Variants in PDGFRL observed in about 807,000 individuals in gnomAD.
PDGFRL encodes the protein platelet derived growth factor receptor like.
Under a neutral mutation model 37.2 loss-of-function variants are expected in PDGFRL, and 46 were observed. The observed-to-expected ratio is 1.24, with a 90% CI of 0.98 to 1.58. The LOEUF (loss-of-function observed/expected upper bound fraction) is 1.58. PDGFRL is among the 40% of genes most tolerant of loss of function. The probability of loss-of-function intolerance (pLI) is 0.00; values close to 1 mark genes in which losing one functional copy is unlikely to be tolerated. For synonymous variants in PDGFRL, 251 were observed against 184.3 expected, an observed-to-expected ratio of 1.36 and a Z score of -2.93; for missense variants, 692 against 467.6, an observed-to-expected ratio of 1.48 and a Z score of -4.43.
chr8:17,597,732 T>A (rs1804084696), intron 2 of PDGFRL, among the ~76,000 whole-genome samples: 1 of 152,088 alleles, frequency 6.6e-6, no homozygotes, highest in Non-Finnish European at 1.5e-5. Context: ...CAGAAATCCA[T>A]CTCTTCTTAC....
At chr8:17,601,049 G>T (rs759240375) in intron 2 of PDGFRL, among the ~76,000 whole-genome samples, 7 of 152,164 alleles carry the variant, frequency 4.6e-5, no homozygotes, top group African/African-American at 1.7e-4. Flanking sequence ...GTGTCCTTCA[G>T]TTCAGAGAAT....
intron 2 of PDGFRL, among the ~76,000 whole-genome samples, chr8:17,620,534 A>T (rs1192674550): frequency 2.0e-5 from 3 of 152,166 alleles, no homozygotes; most frequent in Non-Finnish European, 4.4e-5. Context: ...ACCAATATTT[A>T]TACATCATTA....
At chr8:17,604,137 G>A (rs1251149482) in intron 2 of PDGFRL, among the ~76,000 whole-genome samples, 1 of 152,090 alleles carries the variant, frequency 6.6e-6, no homozygotes, top group African/African-American at 2.4e-5. Context: ...ACTGTTGGTG[G>A]GACTGTAAAC....
At chr8:17,610,626 A>T (rs981655267) in intron 2 of PDGFRL, among the ~76,000 whole-genome samples, 7 of 152,090 alleles carry the variant, frequency 4.6e-5, no homozygotes, top group African/African-American at 1.7e-4. Flanking sequence ...TTTACATGAG[A>T]AGGGCCAGGC....
chr8:17,621,327 C>T (rs1804629536), intron 3 of PDGFRL, 125 bp downstream of exon 3: 1 of 583,420 alleles, frequency 1.7e-6, no homozygotes, highest in Non-Finnish European at 3.0e-6. Context: ...TTGCCAGGCT[C>T]TGGGCTAAAT....
rs1234160258 is a variant in PDGFRL, at chr8:17,630,671, T to TAGGGGAAGTAAGTGAGAGAGGTC, written c.799+1894_799+1916dup. 2.0e-5 allele frequency among the ~76,000 whole-genome samples: 3 copies of TAGGGGAAGTAAGTGAGAGAGGTC among 152,202 alleles called. No individual in the cohort carries two copies. The East Asian group carries it at 5.8e-4, about 30-fold the overall frequency. On this transcript the variant is annotated intron_variant, in intron 4 of 5. Coordinates refer to ENST00000251630, the MANE Select transcript of PDGFRL (RefSeq NM_001372073.1). ...TCCCCTCCCTGCTGGGGCACCAGGT[T>TAGGGGAAGTAAGTGAGAGAGGTC]AGGGGAAGTAAGTGAGAGAGGTCAG...
At chr8:17,641,203 A>G (rs11203879) in intron 5 of PDGFRL, among the ~76,000 whole-genome samples, 2 of 152,074 alleles carry the variant, frequency 1.3e-5, no homozygotes, top group African/African-American at 4.8e-5. Flanking sequence ...AGCCTCTTGG[A>G]TAAGAAAGCA....
Position 17,589,675 on chromosome 8 carries a change from C to T in PDGFRL, c.263C>T (p.Ala88Val), listed in dbSNP as rs111243093. 6.6e-5 allele frequency: 106 copies of T among 1,612,802 alleles called. No homozygotes were observed. Among genetic ancestry groups the T allele is most frequent in the East Asian group, 8.9e-5 (4 of 44,854 alleles). ...QKPAATLSLLAGQTVELRCKG... is the reference protein window; with the variant it reads ...QKPAATLSLLVGQTVELRCKG... ...CCCGCCGCTACCCTGAGTCTGCTGG[C>T]GGGGCAAACTGTAGAGCTTCGATGT... Residue 88 changes from alanine (A) to valine (V), a missense_variant, in exon 2 of 6, where the codon GCG (alanine) becomes GTG (valine). Ala to Val is a moderately conservative substitution (Grantham distance 64, BLOSUM62 0). Coordinates refer to ENST00000251630, the MANE Select transcript of PDGFRL (RefSeq NM_001372073.1).
Position 17,589,668 on chromosome 8 carries a change from C to G in PDGFRL, c.256C>G (p.Leu86Val). ...CCAGAAACCCGCCGCTACCCTGAGT[C>G]TGCTGGCGGGGCAAACTGTAGAGCT... is the stretch of plus-strand genomic sequence containing the variant. ...RFQKPAATLS[L>V]LAGQTVELRC... Residue 86 changes from leucine to valine, a missense_variant, in exon 2 of 6, where the codon CTG (leucine) becomes GTG (valine). Physicochemically the swap from Leu to Val is conservative, Grantham distance 32 (BLOSUM62 1). Transcript: ENST00000251630. 6.2e-7 allele frequency: 1 copy of G among 1,613,160 alleles called. No homozygotes were observed. Among genetic ancestry groups the G allele is most frequent in the Non-Finnish European group, 8.5e-7 (1 of 1,179,116 alleles).
chr8:17,625,452 GT>G lies in PDGFRL; in HGVS notation c.506-3024del, dbSNP rs11446187. On this transcript the variant is annotated intron_variant, in intron 3 of 5. Coordinates refer to ENST00000251630, the MANE Select transcript of PDGFRL (RefSeq NM_001372073.1). Reference sequence around the variant, plus strand: ...GGCGTGAGCCACTGCACCTGGTCGAGTTTTTTTTTTTAATCTAAAATCCCAT... The same window carrying G: ...GGCGTGAGCCACTGCACCTGGTCGAGTTTTTTTTTTAATCTAAAATCCCAT... Among the ~76,000 whole-genome samples the G allele has an allele frequency of 2.3e-3, 334 of 148,290 alleles. 2 individuals are homozygous for G. The highest frequency in any genetic ancestry group is 8.0e-3 in the African/African-American group (324 of 40,692).
At chr8:17,579,769 A>C (rs1181707474) in intron 1 of PDGFRL, among the ~76,000 whole-genome samples, 1 of 151,916 alleles carries the variant, frequency 6.6e-6, no homozygotes, top group Admixed American at 6.6e-5. Context: ...GGCTGCTCCC[A>C]ATGACAAAAT....
intron 2 of PDGFRL, among the ~76,000 whole-genome samples, chr8:17,595,965 T>TG (rs1281268524): frequency 6.6e-6 from 1 of 152,192 alleles, no homozygotes; most frequent in African/African-American, 2.4e-5. Context: ...GAGCCTCCAG[T>TG]GGGTGAAACC....
rs67846013 is a variant in PDGFRL, at chr8:17,623,873, C to CAAAAAA, written c.505+2678_505+2683dup. On this transcript the variant is annotated intron_variant, in intron 3 of 5. Coordinates refer to ENST00000251630, the MANE Select transcript of PDGFRL (RefSeq NM_001372073.1). ...TGGGCGACAGAGCAAGACTTTACCT[C>CAAAAAA]AAAAAAAAAAAATACGGGCTCTCTT... 9.6e-3 allele frequency among the ~76,000 whole-genome samples: 1,368 copies of CAAAAAA among 141,962 alleles called. 14 individuals carry two copies. The highest frequency in any genetic ancestry group is 0.014 in the Non-Finnish European group (922 of 66,310). 93.1% of individuals were successfully genotyped at this position (141,962 alleles called of 152,430 possible).
chr8:17,596,488 G>T, intron 2 of PDGFRL: 1 of 385,688 alleles, frequency 2.6e-6, no homozygotes, highest in Non-Finnish European at 4.5e-6. Context: ...TTTAGTCTTT[G>T]ACTTCCTACA....
chr8:17,595,004 C>T (rs1220753150), intron 2 of PDGFRL, among the ~76,000 whole-genome samples: 1 of 34,290 alleles, frequency 2.9e-5, no homozygotes. Flanking sequence ...TTACCACGTA[C>T]ATTTTTTTTT....
intron 2 of PDGFRL, among the ~76,000 whole-genome samples, chr8:17,590,179 C>G (rs141609363): frequency 1.5e-5 from 2 of 133,730 alleles, no homozygotes; most frequent in Non-Finnish European, 3.1e-5. Flanking sequence ...TGCATTGAGC[C>G]GAGATAGTGC....
chr8:17,606,704 G>T (rs2129688301), intron 2 of PDGFRL, among the ~76,000 whole-genome samples: 1 of 18,306 alleles, frequency 5.5e-5, no homozygotes, highest in Non-Finnish European at 7.3e-4. Flanking sequence ...TTCAGGACAA[G>T]GGTGGGGGGC....
chr8:17,628,913 G>C lies in PDGFRL; in HGVS notation c.799+133G>C, dbSNP rs962147552. The C allele has an allele frequency of 3.5e-5, 22 of 625,328 alleles. No homozygotes were observed. The African/African-American group carries it at 3.5e-4, about 10-fold the overall frequency. The allele number at this position is 625,328 out of a possible 1,614,324, so 38.7% of individuals were successfully genotyped here. A position where few individuals can be genotyped will look rare whatever the true frequency, so the allele number is the denominator to read the frequency against. ...GTTTCATTGTTGTTGGGTTGTTGTT[G>C]TTTTTTTTTCTCTTTTTTCTTGAGA... On this transcript the variant is annotated intron_variant, in intron 4 of 5. Transcript: ENST00000251630.
At chr8:17,587,871 C>G (rs983599691) in intron 1 of PDGFRL, among the ~76,000 whole-genome samples, 4 of 152,112 alleles carry the variant, frequency 2.6e-5, no homozygotes, top group Admixed American at 6.5e-5. Flanking sequence ...CTCAACTGAT[C>G]CACCTGCGTT....
Sources: allele counts gnomAD v4.1 joint callset (sites outside exome capture counted in the v4.1 genomes callset), GRCh38; gene constraint gnomAD v4.1.1; transcripts MANE v1.5; gene names NCBI Gene and HGNC (gene_info 2026-07-23, HGNC 2026-07-21).